The following CLVS1 variants were observed in gnomAD, a reference collection of about 807,000 sequenced individuals.
CLVS1 encodes clavesin 1, also known as clavesin-1.
Under a neutral mutation model 33.1 loss-of-function variants are expected in CLVS1, and 10 were observed. The ratio of observed to expected loss-of-function variants is 0.30; its 90% CI spans 0.19 to 0.51. CLVS1 has a LOEUF of 0.51. Among genes scored for constraint, CLVS1 ranks in the 20% least tolerant of loss-of-function variants. The probability of loss-of-function intolerance (pLI) is 0.97; values close to 1 mark genes in which losing one functional copy is unlikely to be tolerated. For synonymous variants in CLVS1, 163 were observed against 166.1 expected (o/e 0.98, Z 0.14); for missense variants, 343 against 433.4 (o/e 0.79, Z 1.85).
intron 3 of CLVS1, among the ~76,000 whole-genome samples, chr8:61,406,361 T>C (rs577094398): frequency 6.6e-6 from 1 of 152,336 alleles, no homozygotes; most frequent in East Asian, 1.9e-4. Context: ...AAAAATAAGT[T>C]CATGACCCAT....
At chr8:61,187,991 A>G (rs1201895561) in intron 2 of CLVS1, among the ~76,000 whole-genome samples, 2 of 152,096 alleles carry the variant, frequency 1.3e-5, no homozygotes, top group Non-Finnish European at 2.9e-5. Flanking sequence ...GAAAAATTGC[A>G]TGAGCATCTG....
chr8:60,976,477 C>A, the CLVS1 span, among the ~76,000 whole-genome samples: 1 of 152,142 alleles, frequency 6.6e-6, no homozygotes, highest in African/African-American at 2.4e-5. Context: ...CCTGCCTCAG[C>A]CTCCTGAGTA....
chr8:61,071,735 T>C (rs1804800455), intron 1 of CLVS1, among the ~76,000 whole-genome samples: 1 of 152,212 alleles, frequency 6.6e-6, no homozygotes, highest in African/African-American at 2.4e-5. Flanking sequence ...TGTAACACTT[T>C]CTTGAGTTTT....
At chr8:61,010,873 A>G in the CLVS1 span, among the ~76,000 whole-genome samples, 16 of 152,186 alleles carry the variant, frequency 1.1e-4, no homozygotes, top group Non-Finnish European at 2.1e-4. Context: ...GCTATGATGT[A>G]AACTATGTGA....
intron 2 of CLVS1, among the ~76,000 whole-genome samples, chr8:61,186,365 C>T (rs1585672331): frequency 6.6e-6 from 1 of 152,160 alleles, no homozygotes; most frequent in Non-Finnish European, 1.5e-5. Context: ...AGTTGCAGCC[C>T]CCCTCAAGAG....
chr8:61,337,160 T>C (rs1411249154), intron 2 of CLVS1, among the ~76,000 whole-genome samples: 1 of 152,156 alleles, frequency 6.6e-6, no homozygotes. Context: ...TCTACACCAA[T>C]CCTTTTTTAG....
At chr8:61,223,888 A>G (rs1165096820) in intron 2 of CLVS1, among the ~76,000 whole-genome samples, 1 of 151,552 alleles carries the variant, frequency 6.6e-6, no homozygotes, top group African/African-American at 2.4e-5. Context: ...TTTTTTCTCT[A>G]TTCTTGTCTG....
chr8:61,287,439 T>G (rs185635543), upstream of CLVS1, among the ~76,000 whole-genome samples: 103 of 152,350 alleles, frequency 6.8e-4, no homozygotes, highest in Non-Finnish European at 1.3e-3. Flanking sequence ...TTTTTTATAT[T>G]CTGACATTCA....
At chr8:61,295,339 A>T (rs190438940) in intron 1 of CLVS1, among the ~76,000 whole-genome samples, 180 of 152,288 alleles carry the variant, frequency 1.2e-3, no homozygotes, top group Admixed American at 2.9e-3. Context: ...GAATGACAAG[A>T]TCTGTTATCT....
At chr8:61,444,915 G>A (rs1475619640) in intron 3 of CLVS1, among the ~76,000 whole-genome samples, 1 of 152,180 alleles carries the variant, frequency 6.6e-6, no homozygotes, top group African/African-American at 2.4e-5. Flanking sequence ...GAGCCCAAAG[G>A]AGGTGGTTGG....
intron 5 of CLVS1, among the ~76,000 whole-genome samples, chr8:61,474,415 G>C (rs867139532): frequency 4.3e-4 from 66 of 152,316 alleles, no homozygotes; most frequent in African/African-American, 1.4e-3. Flanking sequence ...TGAGCAGAGG[G>C]AGAGATGGGG....
intron 1 of CLVS1, among the ~76,000 whole-genome samples, chr8:61,118,770 C>G (rs1805796463): frequency 3.9e-5 from 6 of 152,070 alleles, no homozygotes; most frequent in African/African-American, 1.5e-4. Context: ...TTTATATTTG[C>G]TGAGGAGAGC....
At chr8:61,025,156 T>G in the CLVS1 span, among the ~76,000 whole-genome samples, 2 of 152,180 alleles carry the variant, frequency 1.3e-5, no homozygotes, top group Admixed American at 6.5e-5. Flanking sequence ...CGTTAAAGCA[T>G]TTTTCAAAAG....
chr8:61,356,762 C>A (rs1812725932), intron 2 of CLVS1, among the ~76,000 whole-genome samples: 2 of 152,106 alleles, frequency 1.3e-5, no homozygotes, highest in African/African-American at 4.8e-5. Context: ...CTGTTCTGTT[C>A]CATTGATCTA....
At chr8:61,014,345 T>A in the CLVS1 span, among the ~76,000 whole-genome samples, 1 of 152,220 alleles carries the variant, frequency 6.6e-6, no homozygotes, top group Non-Finnish European at 1.5e-5. Flanking sequence ...AATGAGCATG[T>A]CTCCAAATGT....
At chr8:61,291,555 TA>T (rs1341266552) in intron 1 of CLVS1, among the ~76,000 whole-genome samples, 3 of 152,154 alleles carry the variant, frequency 2.0e-5, no homozygotes, top group Admixed American at 1.3e-4. Context: ...TAGCATGTTG[TA>T]GGGGGGCGTG....
intron 2 of CLVS1, among the ~76,000 whole-genome samples, chr8:61,208,996 TTA>T (rs2129306839): frequency 1.3e-5 from 2 of 152,212 alleles, no homozygotes; most frequent in Non-Finnish European, 2.9e-5. Context: ...CACAAAGTGA[TTA>T]CACAAAAACT....
intron 2 of CLVS1, among the ~76,000 whole-genome samples, chr8:61,178,180 C>T (rs1486398956): frequency 2.0e-5 from 3 of 152,068 alleles, no homozygotes; most frequent in Non-Finnish European, 4.4e-5. Flanking sequence ...AAAAACACAG[C>T]ACAAGAACAT....
intron 1 of CLVS1, among the ~76,000 whole-genome samples, chr8:61,074,004 C>T (rs1322737814): frequency 8.2e-4 from 91 of 111,576 alleles, no homozygotes; most frequent in African/African-American, 4.0e-3. Flanking sequence ...AGTGAGACTC[C>T]GTCTCAAAAA....
Sources: gnomAD v4.1 joint callset for allele counts (sites outside exome capture counted in the v4.1 genomes callset) on GRCh38, gnomAD v4.1.1 for gene constraint, MANE v1.5 for transcripts, NCBI Gene and HGNC (gene_info 2026-07-23, HGNC 2026-07-21) for gene names.